Variants in CPED1 observed in about 807,000 individuals in gnomAD.
The protein encoded by CPED1 is cadherin like and PC-esterase domain containing 1.
CPED1 carries 114 observed loss-of-function variants against 128.2 expected under a neutral mutation model. The ratio of observed to expected loss-of-function variants is 0.89; its 90% CI spans 0.76 to 1.04. CPED1 has a LOEUF of 1.04. CPED1 is among the 50% of genes least tolerant of loss of function. The pLI is 0.00. For synonymous variants in CPED1, 462 were observed against 426.7 expected, an observed-to-expected ratio of 1.08 and a Z score of -1.02; for missense variants, 1,211 against 1,207.1, an observed-to-expected ratio of 1.00 and a Z score of -0.05.
chr7:121,075,732 G>A (rs1039161436), intron 5 of CPED1, among the ~76,000 whole-genome samples: 1 of 152,118 alleles, frequency 6.6e-6, no homozygotes, highest in Non-Finnish European at 1.5e-5. Context: ...TTAACTTTTT[G>A]TAAGATTTAT....
chr7:121,038,380 T>A (rs139437775), intron 3 of CPED1, among the ~76,000 whole-genome samples: 12 of 152,278 alleles, frequency 7.9e-5, no homozygotes, highest in African/African-American at 2.9e-4. Flanking sequence ...TGAATTTTTT[T>A]AAAAATTGGA....
chr7:121,174,539 G>A (rs904596047), intron 16 of CPED1, among the ~76,000 whole-genome samples: 2 of 151,490 alleles, frequency 1.3e-5, no homozygotes, highest in Non-Finnish European at 2.9e-5. Context: ...TTGTAGGTGT[G>A]CAGTCCTATT....
At chr7:121,200,971 A>C (rs1797382440) in intron 16 of CPED1, among the ~76,000 whole-genome samples, 1 of 152,104 alleles carries the variant, frequency 6.6e-6, no homozygotes. Flanking sequence ...AGTGAAGAGA[A>C]GGTTAGATAG....
chr7:121,078,340 G>A (rs1365930092), intron 5 of CPED1, among the ~76,000 whole-genome samples: 1 of 152,046 alleles, frequency 6.6e-6, no homozygotes, highest in Non-Finnish European at 1.5e-5. Flanking sequence ...ACTGCACGTG[G>A]CCTGATTTGT....
chr7:121,129,503 A>G (rs1795610325), intron 11 of CPED1, among the ~76,000 whole-genome samples: 1 of 151,354 alleles, frequency 6.6e-6, no homozygotes, highest in African/African-American at 2.4e-5. Context: ...TATCATTTTA[A>G]CTATTTTAAA....
At chr7:121,165,884 A>G (rs1419833668) in intron 16 of CPED1, among the ~76,000 whole-genome samples, 1 of 152,222 alleles carries the variant, frequency 6.6e-6, no homozygotes, top group East Asian at 1.9e-4. Flanking sequence ...AGCTTTCTAA[A>G]TGGTCTCTTC....
At chr7:121,079,782 T>C (rs1320893050) in intron 5 of CPED1, among the ~76,000 whole-genome samples, 5 of 152,188 alleles carry the variant, frequency 3.3e-5, no homozygotes, top group African/African-American at 1.2e-4. Context: ...TTTGGGAAAT[T>C]TTATGTTTCT....
intron 16 of CPED1, among the ~76,000 whole-genome samples, chr7:121,211,771 A>C (rs138656616): frequency 6.6e-6 from 1 of 152,014 alleles, no homozygotes; most frequent in Admixed American, 6.6e-5. Context: ...TATGTGATCT[A>C]TAAGAACAGA....
chr7:121,279,123 C>T (rs1278231077), intron 22 of CPED1, among the ~76,000 whole-genome samples: 1 of 151,990 alleles, frequency 6.6e-6, no homozygotes, highest in Non-Finnish European at 1.5e-5. Context: ...CTGAATACAC[C>T]TCCACCTTAT....
At chr7:121,270,353 A>G (rs1214591782) in intron 21 of CPED1, among the ~76,000 whole-genome samples, 2 of 151,972 alleles carry the variant, frequency 1.3e-5, no homozygotes, top group African/African-American at 4.8e-5. Context: ...TGCTTTGTTG[A>G]TAGTTTCTTT....
intron 3 of CPED1, among the ~76,000 whole-genome samples, chr7:121,039,738 T>TA (rs1380783799): frequency 6.6e-6 from 1 of 152,010 alleles, no homozygotes; most frequent in African/African-American, 2.4e-5. Context: ...AAAAATCATT[T>TA]AAAAAAACTA....
chr7:121,100,945 G>A (rs1794836469), intron 7 of CPED1, among the ~76,000 whole-genome samples: 5 of 152,032 alleles, frequency 3.3e-5, no homozygotes, highest in Admixed American at 3.3e-4. Context: ...TATTTAGTAT[G>A]CTTTCTTTTT....
At position 121,236,801 on chromosome 7, in the gene CPED1, C is replaced by A. The variant is rs751676132; in HGVS notation, c.2143C>A (p.Leu715Ile). 1.9e-5 allele frequency: 31 copies of A among 1,603,358 alleles called. No homozygotes were observed. The highest frequency in any genetic ancestry group is 2.4e-5 in the Non-Finnish European group (28 of 1,174,054). ...CATTGAAGCCATTTTACAGTCTGAA[C>A]TAAAAAGATGTCCATCTGGGGACAT... is the stretch of plus-strand genomic sequence containing the variant. ...DYIEAILQSE[L>I]KRCPSGDMKG... is the part of the protein sequence containing the mutation. Residue 715 changes from leucine (L) to isoleucine (I), a missense_variant, in exon 17 of 23, where the codon CTA (leucine) becomes ATA (isoleucine). Coordinates refer to ENST00000310396, the MANE Select transcript of CPED1 (RefSeq NM_024913.5).
intron 3 of CPED1, among the ~76,000 whole-genome samples, chr7:121,035,848 AT>A (rs926439143): frequency 1.2e-4 from 6 of 50,116 alleles, no homozygotes; most frequent in East Asian, 1.7e-3. Context: ...AATAATAATA[AT>A]AAAAAAAAAT....
chr7:121,137,670 A>G (rs190776963), intron 14 of CPED1, among the ~76,000 whole-genome samples: 15 of 152,212 alleles, frequency 9.9e-5, no homozygotes, highest in Admixed American at 3.3e-4. Flanking sequence ...TTGCTAATAG[A>G]GAACAAAGAT....
chr7:120,993,588 T>C (rs1796344529), intron 2 of CPED1, among the ~76,000 whole-genome samples: 2 of 152,206 alleles, frequency 1.3e-5, no homozygotes, highest in African/African-American at 4.8e-5. Flanking sequence ...ATAGTATATT[T>C]AACATTTGAA....
At position 121,097,784 on chromosome 7, in the gene CPED1, A is replaced by G. The variant is rs771635800; in HGVS notation, c.702A>G (p.Thr234=). The change falls in exon 6 of 23, where the codon ACA becomes ACG. Residue 234 remains threonine (T), a synonymous_variant. Transcript: ENST00000310396. ...GTACTTCGAGTCACCTTTTAAAAAC[A>G]GTGAAGCCACGTGTGTGGAAACCAG... is the stretch of plus-strand genomic sequence containing the variant. ...KPSTSSHLLK[T]VKPRVWKPGD... 2 of 1,613,888 alleles carry G rather than the reference A, an allele frequency of 1.2e-6. No homozygotes were observed. The highest frequency in any genetic ancestry group is 1.7e-5 in the Admixed American group (1 of 59,996).
chr7:120,996,088 A>G (rs1796398981), intron 2 of CPED1, among the ~76,000 whole-genome samples: 1 of 151,496 alleles, frequency 6.6e-6, no homozygotes, highest in African/African-American at 2.4e-5. Context: ...AGACCAGCCT[A>G]GGCAAAATAG....
intron 16 of CPED1, among the ~76,000 whole-genome samples, chr7:121,217,640 T>C (rs567765523): frequency 3.3e-5 from 5 of 152,170 alleles, no homozygotes; most frequent in African/African-American, 1.2e-4. Flanking sequence ...GGAAAGCTTG[T>C]GACAGACTTG....
Sources: gnomAD v4.1 joint callset for allele counts (sites outside exome capture counted in the v4.1 genomes callset) on GRCh38, gnomAD v4.1.1 for gene constraint, MANE v1.5 for transcripts, NCBI Gene and HGNC (gene_info 2026-07-23, HGNC 2026-07-21) for gene names.